Variants in ERBIN observed in about 807,000 individuals in gnomAD.
ERBIN encodes the protein densin-180-like protein.
A neutral mutation model predicts 158.4 loss-of-function variants in ERBIN; 60 were observed. That is an observed-to-expected ratio of 0.38 (90% CI 0.31 to 0.47). The LOEUF is 0.47. Among genes scored for constraint, ERBIN ranks in the 20% least tolerant of loss-of-function variants. The pLI is 0.99. For missense variants in ERBIN, 1,610 were observed against 1,648.0 expected (o/e 0.98, Z 0.40); for synonymous variants, 594 against 557.2 (o/e 1.07, Z -0.93).
chr5:66,073,125 T>A (rs1250410730), intron 22 of ERBIN, among the ~76,000 whole-genome samples: 1 of 152,190 alleles, frequency 6.6e-6, no homozygotes. Context: ...ATCTGCTAAT[T>A]GTAGCTTAAT....
intron 15 of ERBIN, among the ~76,000 whole-genome samples, chr5:66,040,443 C>A (rs913042213): frequency 6.6e-6 from 1 of 151,856 alleles, no homozygotes; most frequent in South Asian, 2.1e-4. Context: ...GTAGCAAAAT[C>A]TTGCCACTAC....
intron 15 of ERBIN, among the ~76,000 whole-genome samples, 166 bp from the exon 16 acceptor site, chr5:66,042,911 A>G (rs1758058465): frequency 6.6e-6 from 1 of 152,156 alleles, no homozygotes; most frequent in Admixed American, 6.5e-5. Context: ...TGGACATTAT[A>G]AAGAATCGGC....
chr5:65,941,348 C>G (rs200805730), intron 1 of ERBIN, among the ~76,000 whole-genome samples: 1 of 13,522 alleles, frequency 7.4e-5, no homozygotes, highest in African/African-American at 1.2e-4. Flanking sequence ...ATACAAATAA[C>G]AACAATATAG....
At chr5:65,976,630 G>C (rs1329126071) in intron 1 of ERBIN, among the ~76,000 whole-genome samples, 1 of 151,056 alleles carries the variant, frequency 6.6e-6, no homozygotes, top group Non-Finnish European at 1.5e-5. Flanking sequence ...AGTGAACAAA[G>C]GTCTCTGGTT....
intron 1 of ERBIN, among the ~76,000 whole-genome samples, chr5:65,957,458 A>G (rs919969887): frequency 3.2e-4 from 49 of 152,180 alleles, no homozygotes; most frequent in Non-Finnish European, 6.0e-4. Context: ...TGTTTAACAA[A>G]GCACATCTTG....
chr5:66,074,268 G>T (rs1364945293), intron 22 of ERBIN, among the ~76,000 whole-genome samples: 1 of 151,794 alleles, frequency 6.6e-6, no homozygotes, highest in Non-Finnish European at 1.5e-5. Flanking sequence ...TTTAAGTCAG[G>T]TTTATTCTCT....
At chr5:66,044,377 T>C (rs1309016957) in intron 17 of ERBIN, 67 bp downstream of exon 17, 11 of 1,419,122 alleles carry the variant, frequency 7.8e-6, no homozygotes, top group South Asian at 5.6e-5. Context: ...ACAGTTGATA[T>C]AGTGCCCCTT....
intron 1 of ERBIN, among the ~76,000 whole-genome samples, chr5:65,957,696 C>T (rs890151138): frequency 1.8e-4 from 28 of 152,252 alleles, no homozygotes; most frequent in African/African-American, 1.4e-4. Flanking sequence ...AAACCGCCAT[C>T]GTCATCATGG....
intron 21 of ERBIN, among the ~76,000 whole-genome samples, chr5:66,071,486 A>T (rs1367184206): frequency 3.3e-5 from 5 of 152,244 alleles, no homozygotes; most frequent in African/African-American, 1.2e-4. Context: ...CTATAAAGAT[A>T]TTAACCAGTT....
Position 66,075,276 on chromosome 5 carries a change from T to C in ERBIN, c.3963+46T>C, listed in dbSNP as rs746858952. The C allele has an allele frequency of 2.8e-6, 4 of 1,443,752 alleles. No individual in the cohort carries two copies. The South Asian group carries it at 3.5e-5, about 13-fold the overall frequency. The allele number at this position is 1,443,752 out of a possible 1,614,324, so 89.4% of individuals were successfully genotyped here. A position where few individuals can be genotyped will look rare whatever the true frequency, so the allele number is the denominator to read the frequency against. ...TTGAAATATGGGACTAAGCTTTTTA[T>C]GTATTTTTATAGGTTACTTAATTAT... is the stretch of plus-strand genomic sequence containing the variant. On this transcript the variant is annotated intron_variant, in intron 23 of 25. Transcript: ENST00000284037.
intron 1 of ERBIN, among the ~76,000 whole-genome samples, chr5:65,987,981 A>C (rs1172134773): frequency 1.3e-5 from 2 of 152,226 alleles, no homozygotes; most frequent in Admixed American, 1.3e-4. Flanking sequence ...TTTCTCAGTA[A>C]GTTCAAATTA....
rs61596028 is a variant in ERBIN at position 65,994,715 on chromosome 5, A to T, written c.190-32A>T. On this transcript the variant is annotated intron_variant, in intron 3 of 25. Transcript: ENST00000284037. ...TCATGAAATATTTAAAGATGTATAT[A>T]ATTGACATTCTTTCCTCCCTTTTTT... is the stretch of plus-strand genomic sequence containing the variant. 10,479 of 1,208,888 alleles carry T rather than the reference A, an allele frequency of 8.7e-3. 696 individuals are homozygous for T. The African/African-American group carries it at 0.14, about 16-fold the overall frequency. The allele number at this position is 1,208,888 out of a possible 1,614,324, so 74.9% of individuals were successfully genotyped here. A position where few individuals can be genotyped will look rare whatever the true frequency, so the allele number is the denominator to read the frequency against.
At position 65,961,463 on chromosome 5, in the gene ERBIN, C is replaced by T. The variant is rs568468404; in HGVS notation, c.-57-27172C>T. 1.2e-3 allele frequency: 187 copies of T among 152,248 alleles called. 1 individual carries two copies. Among genetic ancestry groups the T allele is most frequent in the African/African-American group, 4.4e-3 (184 of 41,546 alleles). The allele number at this position is 152,248 out of a possible 1,614,324, so 9.4% of individuals were successfully genotyped here. ...TCAATTCTGAAACACATCTACTGGC[C>T]TGAAGAGTTTGGATAAGAGATTGTA... On this transcript the variant is annotated intron_variant, in intron 1 of 25. Coordinates refer to ENST00000284037, the MANE Select transcript of ERBIN (RefSeq NM_001253697.2).
At chr5:66,013,909 C>T (rs927997851) in intron 6 of ERBIN, among the ~76,000 whole-genome samples, 1 of 152,118 alleles carries the variant, frequency 6.6e-6, no homozygotes. Flanking sequence ...GCTTGAGATA[C>T]TGAATGCTAT....
At position 66,021,354 on chromosome 5, in the gene ERBIN, T is replaced by G. The variant is rs1755664220; in HGVS notation, c.566T>G (p.Leu189Arg). The G allele has an allele frequency of 2.5e-6, 4 of 1,603,988 alleles. No homozygotes were observed. In the Admixed American group the frequency reaches 6.7e-5, roughly 27 times the overall value. The change falls in exon 8 of 26, where the codon CTG (leucine) becomes CGG (arginine). Residue 189 changes from leucine (L) to arginine (R), a missense_variant. Leu to Arg is a moderately radical substitution (Grantham distance 102). Around this residue, in one of 2 missense-constraint regions of ERBIN, gnomAD observed 596 missense variants for 711.9 expected, o/e 0.84. Transcript: ENST00000284037. ...AATAGACTGACCCAGCTGGAAAGAC[T>G]GGATTTGGGAAGTAACGAATTCACG... ...TMNRLTQLER[L>R]DLGSNEFTEV...
intron 1 of ERBIN, among the ~76,000 whole-genome samples, chr5:65,945,404 GC>G (rs1312836968): frequency 6.6e-6 from 1 of 152,160 alleles, no homozygotes; most frequent in African/African-American, 2.4e-5. Context: ...TTGATCACAT[GC>G]CTGTAATCTG....
At chr5:65,967,334 C>G (rs998535372) in intron 1 of ERBIN, among the ~76,000 whole-genome samples, 2 of 152,140 alleles carry the variant, frequency 1.3e-5, no homozygotes, top group African/African-American at 4.8e-5. Flanking sequence ...ACTCACTACT[C>G]ACTCACTGAC....
chr5:66,003,343 G>A (rs955308862), intron 4 of ERBIN, among the ~76,000 whole-genome samples: 2 of 151,486 alleles, frequency 1.3e-5, no homozygotes, highest in African/African-American at 4.9e-5. Context: ...ATTCATGAGG[G>A]TCGCAGAAGG....
intron 4 of ERBIN, among the ~76,000 whole-genome samples, chr5:66,007,785 G>A (rs1480435332): frequency 6.6e-6 from 1 of 152,194 alleles, no homozygotes; most frequent in Non-Finnish European, 1.5e-5. Flanking sequence ...TTTGAAGATA[G>A]GTAATTTCAG....
Sources: allele counts gnomAD v4.1 joint callset (sites outside exome capture counted in the v4.1 genomes callset), GRCh38; gene constraint gnomAD v4.1.1; regional missense constraint gnomAD v4.1.1; transcripts MANE v1.5; gene names NCBI Gene and HGNC (gene_info 2026-07-23, HGNC 2026-07-21).